Variants in KCND2 observed in about 807,000 individuals in gnomAD.
KCND2 encodes A-type voltage-gated potassium channel KCND2.
In KCND2, 16 loss-of-function variants were observed where a neutral mutation model predicts 54.4. The ratio of observed to expected loss-of-function variants is 0.29; its 90% CI spans 0.20 to 0.45. The LOEUF (loss-of-function observed/expected upper bound fraction) is 0.45. Among genes scored for constraint, KCND2 ranks in the 20% least tolerant of loss-of-function variants. KCND2 has a pLI of 1.00. For missense variants in KCND2, 486 were observed against 824.2 expected, an observed-to-expected ratio of 0.59 and a Z score of 5.02; for synonymous variants, 317 against 310.7, an observed-to-expected ratio of 1.02 and a Z score of -0.21.
In KCND2 at chr7:120,700,346, C is replaced by T. The variant is rs17142897; in HGVS notation, c.1116-32557C>T. ...TAAGTTTAAACACTTGTAAAGTTATCTTTGTTCAACTAACTCCCCTGAAGT... is the reference window on the plus strand; with the variant it reads ...TAAGTTTAAACACTTGTAAAGTTATTTTTGTTCAACTAACTCCCCTGAAGT... On this transcript the variant is annotated intron_variant, in intron 1 of 5. Transcript: ENST00000331113. 3.7e-3 allele frequency among the ~76,000 whole-genome samples: 566 copies of T among 152,250 alleles called. 8 individuals carry two copies. The highest frequency in any genetic ancestry group is 0.024 in the Admixed American group (360 of 15,292).
intron 1 of KCND2, among the ~76,000 whole-genome samples, chr7:120,498,248 G>A (rs1802878335): frequency 6.6e-6 from 1 of 152,136 alleles, no homozygotes; most frequent in South Asian, 2.1e-4. Context: ...TTGGGAGGCC[G>A]AGGCGGGTGG....
At chr7:120,702,297 G>A (rs1210194274) in intron 1 of KCND2, among the ~76,000 whole-genome samples, 2 of 152,098 alleles carry the variant, frequency 1.3e-5, no homozygotes, top group African/African-American at 2.4e-5. Context: ...CATAGCAGAT[G>A]TTTGTGAGGT....
chr7:120,459,493 A>C (rs1274316685), intron 1 of KCND2, among the ~76,000 whole-genome samples: 1 of 152,128 alleles, frequency 6.6e-6, no homozygotes, highest in African/African-American at 2.4e-5. Context: ...TTTCCATAAC[A>C]TTATCACTTT....
intron 1 of KCND2, among the ~76,000 whole-genome samples, chr7:120,565,060 A>AT (rs1792280465): frequency 6.6e-6 from 1 of 152,284 alleles, no homozygotes; most frequent in African/African-American, 2.4e-5. Context: ...ATTTTCTTAG[A>AT]TTTTAACTAG....
chr7:120,438,741 TG>T (rs1801905746), intron 1 of KCND2, among the ~76,000 whole-genome samples: 1 of 152,152 alleles, frequency 6.6e-6, no homozygotes, highest in Non-Finnish European at 1.5e-5. Context: ...GGGAAAGTAG[TG>T]ATCTGCCAGG....
intron 1 of KCND2, among the ~76,000 whole-genome samples, chr7:120,630,808 TG>T (rs1793224581): frequency 6.6e-6 from 1 of 152,194 alleles, no homozygotes; most frequent in Non-Finnish European, 1.5e-5. Context: ...CATTTTCATT[TG>T]TTTTTATGTT....
At chr7:120,707,833 C>G (rs1002400742) in intron 1 of KCND2, among the ~76,000 whole-genome samples, 1 of 151,928 alleles carries the variant, frequency 6.6e-6, no homozygotes, top group Non-Finnish European at 1.5e-5. Flanking sequence ...ATAAGGTAGG[C>G]GAAGTGACAG....
chr7:120,292,730 GTA>G (rs1002737599), intron 1 of KCND2, among the ~76,000 whole-genome samples: 41 of 151,850 alleles, frequency 2.7e-4, no homozygotes, highest in African/African-American at 9.9e-4. Flanking sequence ...TTCAAATTAG[GTA>G]TTAAGAGGTT....
intron 1 of KCND2, among the ~76,000 whole-genome samples, chr7:120,472,028 TAAAAA>T (rs1413068127): frequency 6.6e-6 from 1 of 151,518 alleles, no homozygotes; most frequent in Non-Finnish European, 1.5e-5. Flanking sequence ...ATTTTAGAAA[TAAAAA>T]GAAAAAACCA....
intron 1 of KCND2, among the ~76,000 whole-genome samples, chr7:120,361,609 G>A (rs951250000): frequency 6.6e-6 from 1 of 152,058 alleles, no homozygotes; most frequent in African/African-American, 2.4e-5. Flanking sequence ...TATGGTGAGT[G>A]AGTTGCATGT....
chr7:120,481,611 T>A (rs1045017677), intron 1 of KCND2, among the ~76,000 whole-genome samples: 1 of 152,186 alleles, frequency 6.6e-6, no homozygotes, highest in Non-Finnish European at 1.5e-5. Flanking sequence ...GGAATGGTTT[T>A]CAGGGGTGAG....
chr7:120,734,863 G>C (rs1174571357), intron 2 of KCND2, among the ~76,000 whole-genome samples: 1 of 152,112 alleles, frequency 6.6e-6, no homozygotes, highest in Non-Finnish European at 1.5e-5. Flanking sequence ...CACTGGCTTT[G>C]TAGGTAATTC....
intron 1 of KCND2, among the ~76,000 whole-genome samples, chr7:120,373,756 A>T (rs1392075783): frequency 6.6e-6 from 1 of 151,840 alleles, no homozygotes; most frequent in Non-Finnish European, 1.5e-5. Flanking sequence ...TTCTTTAAAA[A>T]TTTATTTTGT....
At chr7:120,620,540 C>T (rs1014550593) in intron 1 of KCND2, among the ~76,000 whole-genome samples, 1 of 152,164 alleles carries the variant, frequency 6.6e-6, no homozygotes, top group Non-Finnish European at 1.5e-5. Flanking sequence ...ATACAAAAGG[C>T]TAAATTTCTT....
At chr7:120,561,527 G>C (rs1423988185) in intron 1 of KCND2, among the ~76,000 whole-genome samples, 2 of 147,420 alleles carry the variant, frequency 1.4e-5, no homozygotes, top group Non-Finnish European at 1.5e-5. Context: ...CTTGCCCAAA[G>C]TTACAAGGCT....
chr7:120,512,912 G>A (rs927836679), intron 1 of KCND2, among the ~76,000 whole-genome samples: 5 of 150,320 alleles, frequency 3.3e-5, no homozygotes, highest in Non-Finnish European at 4.4e-5. Flanking sequence ...CCTGTGCCTC[G>A]GCCTCCTTAG....
chr7:120,390,662 A>G (rs943209798), intron 1 of KCND2, among the ~76,000 whole-genome samples: 2 of 152,028 alleles, frequency 1.3e-5, no homozygotes, highest in Admixed American at 1.3e-4. Context: ...GCCCAAATAA[A>G]TAATTGTGAT....
At chr7:120,576,382 C>T (rs1415411551) in intron 1 of KCND2, among the ~76,000 whole-genome samples, 1 of 152,144 alleles carries the variant, frequency 6.6e-6, no homozygotes, top group East Asian at 1.9e-4. Context: ...TTCCATTTTA[C>T]AAATGATTAG....
At chr7:120,738,974 A>T (rs1014045849) in intron 2 of KCND2, among the ~76,000 whole-genome samples, 1 of 152,094 alleles carries the variant, frequency 6.6e-6, no homozygotes, top group Non-Finnish European at 1.5e-5. Flanking sequence ...ATTGAAATTT[A>T]GATGGGAAGT....
Sources: allele counts gnomAD v4.1 joint callset (sites outside exome capture counted in the v4.1 genomes callset), GRCh38; gene constraint gnomAD v4.1.1; transcripts MANE v1.5; gene names NCBI Gene and HGNC (gene_info 2026-07-23, HGNC 2026-07-21).